The following ZNF423 variants were observed in gnomAD, a reference collection of about 807,000 sequenced individuals.
ZNF423 encodes Ebf-associated zinc finger protein.
Under a neutral mutation model 95.8 loss-of-function variants are expected in ZNF423, and 12 were observed. That is an observed-to-expected ratio of 0.13 (90% CI 0.08 to 0.20). The LOEUF (loss-of-function observed/expected upper bound fraction) is 0.20, where lower values mean the gene tolerates loss of function less well. ZNF423 is among the 10% of genes least tolerant of loss of function. The pLI is 1.00. For synonymous variants in ZNF423, 749 were observed against 711.9 expected (o/e 1.05, Z -0.83); for missense variants, 1,316 against 1,737.1 (o/e 0.76, Z 4.31).
intron 1 of ZNF423, among the ~76,000 whole-genome samples, chr16:49,829,324 C>T (rs2035038576): frequency 6.6e-6 from 1 of 152,204 alleles, no homozygotes; most frequent in African/African-American, 2.4e-5. Flanking sequence ...AAGGATCCCA[C>T]TATCTCATGG....
intron 5 of ZNF423, among the ~76,000 whole-genome samples, chr16:49,583,396 A>G (rs551334850): frequency 2.0e-5 from 3 of 152,288 alleles, no homozygotes; most frequent in South Asian, 2.1e-4. Context: ...ATAAGTGGGG[A>G]AAAAAAGTCA....
intron 5 of ZNF423, among the ~76,000 whole-genome samples, chr16:49,593,162 T>C (rs952345748): frequency 6.6e-6 from 1 of 152,170 alleles, no homozygotes; most frequent in East Asian, 1.9e-4. Context: ...GCCAAACCTC[T>C]GGGCTCTGCG....
chr16:49,520,792 T>TC (rs1968365075), intron 7 of ZNF423, among the ~76,000 whole-genome samples: 1 of 151,946 alleles, frequency 6.6e-6, no homozygotes, highest in Non-Finnish European at 1.5e-5. Context: ...CAATGAACAC[T>TC]CCAATGCCTG....
At chr16:49,659,073 GT>G (rs1450078560) in intron 3 of ZNF423, among the ~76,000 whole-genome samples, 1 of 152,104 alleles carries the variant, frequency 6.6e-6, no homozygotes, top group Non-Finnish European at 1.5e-5. Flanking sequence ...TGTTTTACTT[GT>G]TTTAGCGGGG....
chr16:49,716,825 C>A (rs1215927592), intron 3 of ZNF423, among the ~76,000 whole-genome samples: 1 of 152,022 alleles, frequency 6.6e-6, no homozygotes, highest in Non-Finnish European at 1.5e-5. Context: ...ATCCGCATTA[C>A]GGGATGATCT....
intron 5 of ZNF423, among the ~76,000 whole-genome samples, chr16:49,559,667 C>T (rs1321916417): frequency 6.6e-6 from 1 of 152,212 alleles, no homozygotes; most frequent in Non-Finnish European, 1.5e-5. Flanking sequence ...GCTCTTTGGA[C>T]CTTCGCCAAG....
At position 49,602,096 on chromosome 16, in the gene ZNF423, T is replaced by C. The variant is rs1410312960; in HGVS notation, c.3601+24074A>G. 2.0e-5 allele frequency among the ~76,000 whole-genome samples: 3 copies of C among 152,238 alleles called. No individual in the cohort carries two copies. The East Asian group carries it at 5.8e-4, about 29-fold the overall frequency. On this transcript the variant is annotated intron_variant, in intron 5 of 7. Coordinates refer to ENST00000563137, the MANE Select transcript of ZNF423 (RefSeq NM_001379286.1). ...TCTGAGCCATAAAGCTATGCCAGCC[T>C]AGGCTCCCCGGCTTCCTGTCCTGGA...
intron 5 of ZNF423, among the ~76,000 whole-genome samples, chr16:49,618,692 A>C (rs1313998959): frequency 6.6e-6 from 1 of 152,152 alleles, no homozygotes; most frequent in Non-Finnish European, 1.5e-5. Context: ...CAACAGTGTG[A>C]GAATGGACTG....
intron 3 of ZNF423, among the ~76,000 whole-genome samples, chr16:49,702,921 A>G (rs938611532): frequency 9.7e-5 from 13 of 134,246 alleles, no homozygotes; most frequent in African/African-American, 3.1e-4. Flanking sequence ...ACACACACAC[A>G]CACACACACA....
At chr16:49,808,154 TG>T (rs1252608150) in intron 1 of ZNF423, among the ~76,000 whole-genome samples, 1 of 152,198 alleles carries the variant, frequency 6.6e-6, no homozygotes, top group East Asian at 1.9e-4. Context: ...TTCGAGCTCC[TG>T]GGCTCAAACC....
In ZNF423 at chr16:49,636,419, G is replaced by A. The variant is rs778388741; in HGVS notation, c.2757C>T (p.Ile919=). The change falls in exon 4 of 8, where the codon ATC becomes ATT. Residue 919 remains isoleucine, a synonymous_variant. Transcript: ENST00000563137. The surrounding 1 kb of genome is among the most constrained non-coding windows in gnomAD (Gnocchi z 8.6). ...LQNHRLRDHN[I]RPGEDDGSRK... ...GTGAGCCATCATCCTCGCCCGGCCG[G>A]ATATTGTGGTCCCGCAGCCGGTGAT... The A allele has an allele frequency of 1.9e-6, 3 of 1,613,352 alleles. No homozygotes were observed. The highest frequency in any genetic ancestry group is 2.5e-6 in the Non-Finnish European group (3 of 1,180,024).
At chr16:49,747,656 T>TAAA (rs10701037) in intron 2 of ZNF423, among the ~76,000 whole-genome samples, 69 of 147,486 alleles carry the variant, frequency 4.7e-4, no homozygotes, top group Admixed American at 3.0e-3. Context: ...ATATTTCATT[T>TAAA]AAAAAAAAAA....
intron 1 of ZNF423, among the ~76,000 whole-genome samples, chr16:49,800,540 T>C (rs992178154): frequency 6.6e-6 from 1 of 152,098 alleles, no homozygotes; most frequent in African/African-American, 2.4e-5. Flanking sequence ...TTCTCTGTTC[T>C]GGTCCATAGA....
intron 7 of ZNF423, among the ~76,000 whole-genome samples, chr16:49,501,607 G>A (rs976435268): frequency 1.3e-5 from 2 of 151,722 alleles, no homozygotes; most frequent in Non-Finnish European, 2.9e-5. Context: ...TGACAGTAGC[G>A]AAGACATGAA....
At chr16:49,555,596 A>G (rs1969792520) in intron 5 of ZNF423, among the ~76,000 whole-genome samples, 1 of 152,246 alleles carries the variant, frequency 6.6e-6, no homozygotes, top group South Asian at 2.1e-4. Flanking sequence ...CTTTTGATCC[A>G]TACACTATAA....
chr16:49,606,181 TC>T (rs1450015905), intron 5 of ZNF423, among the ~76,000 whole-genome samples: 1 of 152,036 alleles, frequency 6.6e-6, no homozygotes, highest in Non-Finnish European at 1.5e-5. Context: ...TATGGGAAAG[TC>T]CCATCCTTTG....
At chr16:49,827,940 G>A (rs944860660) in intron 1 of ZNF423, among the ~76,000 whole-genome samples, 6 of 152,162 alleles carry the variant, frequency 3.9e-5, no homozygotes, top group African/African-American at 1.4e-4. Context: ...ATTTATTAAA[G>A]CAGCCCCAAG....
At chr16:49,840,946 G>A (rs1489656585) in intron 1 of ZNF423, among the ~76,000 whole-genome samples, 12 of 152,218 alleles carry the variant, frequency 7.9e-5, no homozygotes, top group Non-Finnish European at 2.9e-5. Flanking sequence ...CTGGTGGGGT[G>A]GGGAGGACGG....
At chr16:49,580,873 C>T (rs200744789) in intron 5 of ZNF423, among the ~76,000 whole-genome samples, 4 of 152,266 alleles carry the variant, frequency 2.6e-5, no homozygotes, top group East Asian at 1.9e-4. Context: ...AGCATAGAAA[C>T]GTGGACTGTG....
Sources: allele counts gnomAD v4.1 joint callset (sites outside exome capture counted in the v4.1 genomes callset), GRCh38; gene constraint gnomAD v4.1.1; non-coding constraint Gnocchi (gnomAD v3.1); transcripts MANE v1.5; gene names NCBI Gene and HGNC (gene_info 2026-07-23, HGNC 2026-07-21).